PDCD1: variants seen among roughly 807,000 people sequenced by gnomAD.
The protein encoded by PDCD1 is programmed cell death 1.
PDCD1 carries 10 observed loss-of-function variants against 23.6 expected under a neutral mutation model. That is an observed-to-expected ratio of 0.42 (90% CI 0.26 to 0.72). The LOEUF (loss-of-function observed/expected upper bound fraction) is 0.72, where lower values mean the gene tolerates loss of function less well. PDCD1 is among the 30% of genes least tolerant of loss of function. The pLI is 0.24. For synonymous variants in PDCD1, 168 were observed against 169.3 expected (o/e 0.99, Z 0.06); for missense variants, 313 against 397.8 (o/e 0.79, Z 1.81).
Position 241,850,927 on chromosome 2 carries a change from G to C in PDCD1, c.*131C>G. ...TGGTGCAGGTGCAGGCTGGAGCCCC[G>C]GTCGCCCCCAGGCAGCTCAGCCCCT... is the stretch of plus-strand genomic sequence containing the variant. On this transcript the variant is annotated 3_prime_UTR_variant, in exon 5 of 5. Coordinates refer to ENST00000334409, the MANE Select transcript of PDCD1 (RefSeq NM_005018.3). The C allele has an allele frequency of 5.0e-6, 6 of 1,189,850 alleles. No individual in the cohort carries two copies. Among genetic ancestry groups the C allele is most frequent in the Non-Finnish European group, 7.0e-6 (6 of 861,950 alleles). 73.7% of individuals were successfully genotyped at this position (1,189,850 alleles called of 1,614,324 possible). A position where few individuals can be genotyped will look rare whatever the true frequency, so the allele number is the denominator to read the frequency against.
intron 1 of PDCD1, among the ~76,000 whole-genome samples, chr2:241,856,443 G>A (rs1047153882): frequency 2.0e-5 from 3 of 152,228 alleles, no homozygotes; most frequent in Non-Finnish European, 4.4e-5. Flanking sequence ...TTCTAGGTGA[G>A]GGATATTCAT....
chr2:241,858,667 G>A, intron 1 of PDCD1, 96 bp downstream of exon 1: 1 of 1,083,872 alleles, frequency 9.2e-7, no homozygotes, highest in Non-Finnish European at 1.4e-6. Context: ...GCCAGGGCCA[G>A]GCCCGCCTCA....
At chr2:241,858,705 G>T in intron 1 of PDCD1, 58 bp downstream of exon 1, 1 of 1,420,168 alleles carries the variant, frequency 7.0e-7, no homozygotes. Flanking sequence ...AGGGACTGAG[G>T]GTGGAAGGTC....
Position 241,851,347 on chromosome 2 carries a change from G to A in PDCD1, c.628-50C>T, listed in dbSNP as rs41474646. ...TCAGCCCCACGGCCCACCGCAGGAA[G>A]GAGGCCCGCGGCTCCACAGCCTGGC... is the stretch of plus-strand genomic sequence containing the variant. On this transcript the variant is annotated intron_variant, in intron 4 of 4. Coordinates refer to ENST00000334409, the MANE Select transcript of PDCD1 (RefSeq NM_005018.3). The A allele has an allele frequency of 1.3e-3, 2,006 of 1,547,936 alleles. 21 individuals carry two copies. The African/African-American group carries it at 0.023, about 18-fold the overall frequency.
intron 1 of PDCD1, among the ~76,000 whole-genome samples, chr2:241,856,643 C>T (rs543840319): frequency 5.9e-5 from 9 of 151,934 alleles, no homozygotes; most frequent in African/African-American, 1.5e-4. Context: ...GGGAACATAG[C>T]GAGACCCTGT....
At chr2:241,858,742 C>T in intron 1 of PDCD1, 21 bp downstream of exon 1, 1 of 1,570,876 alleles carries the variant, frequency 6.4e-7, no homozygotes, top group Non-Finnish European at 8.6e-7. Flanking sequence ...TCTGGGACAC[C>T]TGACCGCCGA....
At chr2:241,857,844 C>T (rs1485519805) in intron 1 of PDCD1, among the ~76,000 whole-genome samples, 1 of 152,200 alleles carries the variant, frequency 6.6e-6, no homozygotes, top group Non-Finnish European at 1.5e-5. Context: ...TGGTGTCACA[C>T]CCCGGTACCC....
Position 241,852,271 on chromosome 2 carries a change from G to T in PDCD1, c.519C>A (p.Val173=), listed in dbSNP as rs377191240. The change falls in exon 3 of 5, where the codon GTC becomes GTA. Residue 173 remains valine (V), a synonymous_variant. Coordinates refer to ENST00000334409, the MANE Select transcript of PDCD1 (RefSeq NM_005018.3). ...CCAGGCTGCCCAGCAGGCCGCCCACGACACCAACCACCAGGGTTTGGAACT... is the reference window on the plus strand; with the variant it reads ...CCAGGCTGCCCAGCAGGCCGCCCACTACACCAACCACCAGGGTTTGGAACT... The part of the protein sequence containing the change: ...AGQFQTLVVG[V]VGGLLGSLVL... 3.1e-6 allele frequency: 5 copies of T among 1,611,820 alleles called. No homozygotes were observed. The highest frequency in any genetic ancestry group is 4.2e-6 in the Non-Finnish European group (5 of 1,179,644).
At chr2:241,851,431 C>A in intron 4 of PDCD1, 134 bp from the exon 5 acceptor site, 2 of 787,330 alleles carry the variant, frequency 2.5e-6, no homozygotes, top group South Asian at 1.8e-5. Flanking sequence ...TGAGCTGTCC[C>A]ACCACTGCCC....
In PDCD1 at chr2:241,852,718, G is replaced by T; in HGVS notation, c.339C>A (p.Ala113=). The change falls in exon 2 of 5, where the codon GCC becomes GCA. Residue 113 remains alanine (A), a synonymous_variant. Coordinates refer to ENST00000334409, the MANE Select transcript of PDCD1 (RefSeq NM_005018.3). The part of the protein sequence containing the change: ...GRDFHMSVVR[A]RRNDSGTYLC... ...GGTAGGTGCCGCTGTCATTGCGCCGGGCCCTGACCACGCTCATGTGGAAGT... is the reference window on the plus strand; with the variant it reads ...GGTAGGTGCCGCTGTCATTGCGCCGTGCCCTGACCACGCTCATGTGGAAGT... The T allele has an allele frequency of 6.2e-7, 1 of 1,613,822 alleles. No homozygotes were observed. The highest frequency in any genetic ancestry group is 8.5e-7 in the Non-Finnish European group (1 of 1,179,952).
intron 1 of PDCD1, among the ~76,000 whole-genome samples, chr2:241,855,930 C>G (rs909541297): frequency 1.3e-5 from 2 of 152,192 alleles, no homozygotes; most frequent in Non-Finnish European, 2.9e-5. Context: ...AGTCCTAACC[C>G]CATGACCTCA....
chr2:241,852,467 C>G, intron 2 of PDCD1, 114 bp from the exon 3 acceptor site: 2 of 1,152,156 alleles, frequency 1.7e-6, no homozygotes, highest in Admixed American at 5.2e-5. Flanking sequence ...GACAGAGATG[C>G]CGGTCACCAT....
chr2:241,851,813 G>T (rs1442700761), intron 4 of PDCD1, 136 bp downstream of exon 4: 4 of 911,720 alleles, frequency 4.4e-6, no homozygotes, highest in Non-Finnish European at 7.2e-6. Flanking sequence ...GTTGCTGCCT[G>T]GGGGCTGGGG....
chr2:241,858,672 G>C, intron 1 of PDCD1, 91 bp downstream of exon 1: 1 of 1,150,128 alleles, frequency 8.7e-7, no homozygotes, highest in South Asian at 1.3e-5. Context: ...GGCCAGGCCC[G>C]CCTCAGCACC....
intron 2 of PDCD1, 101 bp downstream of exon 2, chr2:241,852,520 C>G: frequency 1.4e-6 from 2 of 1,412,622 alleles, no homozygotes; most frequent in South Asian, 2.7e-5. Context: ...GCTGGGGGGT[C>G]CCTGCCCTAC....
chr2:241,853,124 G>T, intron 1 of PDCD1, 144 bp from the exon 2 acceptor site: 1 of 964,022 alleles, frequency 1.0e-6, no homozygotes, highest in Non-Finnish European at 1.5e-6. Flanking sequence ...TGGGGCCTCT[G>T]CCACCCGGGG....
chr2:241,853,753 A>G (rs1001286200), intron 1 of PDCD1, among the ~76,000 whole-genome samples: 4 of 152,242 alleles, frequency 2.6e-5, no homozygotes, highest in African/African-American at 7.2e-5. Flanking sequence ...AGGCACCAAC[A>G]CAGGCGCTTA....
intron 1 of PDCD1, among the ~76,000 whole-genome samples, chr2:241,853,675 G>A (rs1023616887): frequency 4.6e-5 from 7 of 152,270 alleles, no homozygotes; most frequent in African/African-American, 1.7e-4. Context: ...TGAAACATAT[G>A]CCTGCCAGGG....
At chr2:241,852,596 T>C in intron 2 of PDCD1, 25 bp downstream of exon 2, 1 of 1,602,882 alleles carries the variant, frequency 6.2e-7, no homozygotes, top group Non-Finnish European at 8.5e-7. Flanking sequence ...AGCTCACCCC[T>C]GCCCCGGGGC....
Sources: allele counts gnomAD v4.1 joint callset (sites outside exome capture counted in the v4.1 genomes callset), GRCh38; gene constraint gnomAD v4.1.1; transcripts MANE v1.5; gene names NCBI Gene and HGNC (gene_info 2026-07-23, HGNC 2026-07-21).